Variants in CSMD1 observed in about 807,000 individuals in gnomAD.
CSMD1 encodes the protein CUB and sushi domain-containing protein 1.
Under a neutral mutation model 417.5 loss-of-function variants are expected in CSMD1, and 213 were observed. The ratio of observed to expected loss-of-function variants is 0.51; its 90% confidence interval spans 0.46 to 0.57. The LOEUF is 0.57. Among genes scored for constraint, CSMD1 ranks in the 20% least tolerant of loss-of-function variants. The pLI, the probability that CSMD1 is intolerant of heterozygous loss-of-function variation, is 0.00. For synonymous variants in CSMD1, 2,862 were observed against 1,736.8 expected, an observed-to-expected ratio of 1.65 and a Z score of -16.11; for missense variants, 6,923 against 4,529.7, an observed-to-expected ratio of 1.53 and a Z score of -15.17.
chr8:4,788,807 G>C (rs972604121), intron 1 of CSMD1, among the ~76,000 whole-genome samples: 2 of 152,118 alleles, frequency 1.3e-5, no homozygotes, highest in East Asian at 3.9e-4. Flanking sequence ...CATGACATCT[G>C]CTTTTGAAAC....
chr8:3,162,743 T>G (rs901220602), intron 37 of CSMD1, among the ~76,000 whole-genome samples: 2 of 151,998 alleles, frequency 1.3e-5, no homozygotes, highest in African/African-American at 2.4e-5. Flanking sequence ...AAAAAATATT[T>G]TACATTCAAT....
intron 2 of CSMD1, among the ~76,000 whole-genome samples, chr8:4,551,873 A>C (rs1306670550): frequency 7.3e-6 from 1 of 137,686 alleles, no homozygotes; most frequent in Non-Finnish European, 1.6e-5. Flanking sequence ...TTTTTTGTAG[A>C]GATGGGGTAT....
At chr8:3,168,897 T>C (rs537062135) in intron 37 of CSMD1, among the ~76,000 whole-genome samples, 1 of 151,290 alleles carries the variant, frequency 6.6e-6, no homozygotes, top group South Asian at 2.2e-4. Context: ...AGTGACAAAA[T>C]ACCTTTAGGG....
At chr8:4,773,689 C>G (rs989432107) in intron 1 of CSMD1, among the ~76,000 whole-genome samples, 1 of 152,126 alleles carries the variant, frequency 6.6e-6, no homozygotes, top group Non-Finnish European at 1.5e-5. Flanking sequence ...AGGCTTTGCA[C>G]GCCACGCTAG....
chr8:4,836,085 A>T (rs1361948218), intron 1 of CSMD1, among the ~76,000 whole-genome samples: 1 of 152,176 alleles, frequency 6.6e-6, no homozygotes, highest in Non-Finnish European at 1.5e-5. Flanking sequence ...TACACAAGTA[A>T]TGCAAGAAAA....
At chr8:3,757,523 T>C (rs1053253234) in intron 5 of CSMD1, among the ~76,000 whole-genome samples, 3 of 152,344 alleles carry the variant, frequency 2.0e-5, no homozygotes, top group East Asian at 1.9e-4. Context: ...AGATTTGGCC[T>C]GCAGGTACTA....
At chr8:3,469,896 T>C (rs28593667) in intron 11 of CSMD1, among the ~76,000 whole-genome samples, 11,475 of 152,318 alleles carry the variant, frequency 0.075, 447 homozygotes, top group Middle Eastern at 0.1. Flanking sequence ...TTCTGAAGAT[T>C]TGTCTTCGTT....
At chr8:3,179,837 T>C (rs183991994) in intron 37 of CSMD1, among the ~76,000 whole-genome samples, 1 of 152,370 alleles carries the variant, frequency 6.6e-6, no homozygotes, top group Admixed American at 6.5e-5. Flanking sequence ...CATTTTATAC[T>C]GTCACTGAAG....
At chr8:3,612,534 C>G (rs1801945093) in intron 8 of CSMD1, among the ~76,000 whole-genome samples, 1 of 152,048 alleles carries the variant, frequency 6.6e-6, no homozygotes, top group African/African-American at 2.4e-5. Context: ...GAACATTTAC[C>G]AAGATAGAGC....
intron 1 of CSMD1, among the ~76,000 whole-genome samples, chr8:4,843,440 A>C (rs1211512226): frequency 1.3e-5 from 2 of 152,046 alleles, no homozygotes; most frequent in African/African-American, 4.8e-5. Flanking sequence ...AGATTACAAC[A>C]ACAACAACAA....
chr8:3,477,826 G>A (rs1817518142), intron 11 of CSMD1, among the ~76,000 whole-genome samples: 1 of 152,108 alleles, frequency 6.6e-6, no homozygotes, highest in Non-Finnish European at 1.5e-5. Context: ...CACCTAGCCG[G>A]GTTCCCAGGA....
chr8:2,947,351 A>G (rs1452114596), intron 68 of CSMD1, among the ~76,000 whole-genome samples: 1 of 152,214 alleles, frequency 6.6e-6, no homozygotes, highest in East Asian at 1.9e-4. Flanking sequence ...TTTTATCCAT[A>G]AAAATAGATG....
rs562712934 is a variant in CSMD1 at position 3,000,030 on chromosome 8, G to A, written c.8131C>T (p.Arg2711Trp). 3.1e-5 allele frequency: 49 copies of A among 1,606,300 alleles called. No individual in the cohort carries two copies. Among genetic ancestry groups the A allele is most frequent in the East Asian group, 1.6e-4 (7 of 44,570 alleles). The stretch of plus-strand genomic sequence containing the variant: ...ATCCTCACGGAAGTTCCCACAAGCC[G>A]GAAACCAGGATTGCACTGGTAAACC... ...TVVYQCNPGF[R>W]LVGTSVRICL... is the part of the protein sequence containing the mutation. Residue 2711 changes from arginine to tryptophan, a missense_variant, in exon 53 of 70, where the codon CGG becomes TGG. Arg to Trp is a moderately radical substitution (Grantham distance 101, BLOSUM62 -3). Transcript: ENST00000635120.
chr8:3,457,989 T>G (rs755079560), intron 12 of CSMD1, among the ~76,000 whole-genome samples: 33 of 152,326 alleles, frequency 2.2e-4, no homozygotes, highest in Non-Finnish European at 3.4e-4. Context: ...CTTGTTAATT[T>G]CACAAGCTCT....
intron 20 of CSMD1, among the ~76,000 whole-genome samples, chr8:3,363,160 T>G (rs893359267): frequency 6.6e-6 from 1 of 152,138 alleles, no homozygotes; most frequent in Admixed American, 6.5e-5. Flanking sequence ...CCACCCAAAT[T>G]AGCTGGCCTG....
At chr8:3,418,807 G>A (rs961293509) in intron 12 of CSMD1, among the ~76,000 whole-genome samples, 2 of 152,158 alleles carry the variant, frequency 1.3e-5, no homozygotes, top group South Asian at 2.1e-4. Flanking sequence ...AAATGAGAAG[G>A]AAGAATGAGT....
chr8:4,458,760 A>G (rs1341627506), intron 2 of CSMD1, among the ~76,000 whole-genome samples: 1 of 152,194 alleles, frequency 6.6e-6, no homozygotes, highest in Non-Finnish European at 1.5e-5. Flanking sequence ...AAAACATTTT[A>G]TGCATTGAAT....
intron 1 of CSMD1, among the ~76,000 whole-genome samples, chr8:4,724,909 T>C (rs1194388110): frequency 6.6e-6 from 1 of 152,114 alleles, no homozygotes; most frequent in Non-Finnish European, 1.5e-5. Context: ...AAACAAATCA[T>C]ACAGGTTTTT....
intron 32 of CSMD1, among the ~76,000 whole-genome samples, chr8:3,201,400 T>A (rs975306988): frequency 6.6e-6 from 1 of 152,172 alleles, no homozygotes; most frequent in East Asian, 1.9e-4. Flanking sequence ...TCTGCAATCT[T>A]AGTAAGATGA....
Sources: gnomAD v4.1 joint callset for allele counts (sites outside exome capture counted in the v4.1 genomes callset) on GRCh38, gnomAD v4.1.1 for gene constraint, MANE v1.5 for transcripts, NCBI Gene and HGNC (gene_info 2026-07-23, HGNC 2026-07-21) for gene names.